Variants in NCKAP5 observed in about 807,000 individuals in gnomAD.
NCKAP5 encodes the protein NCK associated protein 5.
In NCKAP5, 92 loss-of-function variants were observed where a neutral mutation model predicts 167.0. The ratio of observed to expected loss-of-function variants is 0.55; its 90% confidence interval spans 0.47 to 0.66. The LOEUF (loss-of-function observed/expected upper bound fraction) is 0.66, where lower values mean the gene tolerates loss of function less well. Among genes scored for constraint, NCKAP5 ranks in the 30% least tolerant of loss-of-function variants. The pLI is 0.00. For synonymous variants in NCKAP5, 891 were observed against 877.4 expected (o/e 1.02, Z -0.27); for missense variants, 2,378 against 2,315.0 (o/e 1.03, Z -0.56).
chr2:133,653,624 G>A, the NCKAP5 span, among the ~76,000 whole-genome samples: 4 of 152,274 alleles, frequency 2.6e-5, no homozygotes, highest in Non-Finnish European at 5.9e-5. Context: ...TAAATAGAGG[G>A]CAGAAATTTC....
intron 3 of NCKAP5, among the ~76,000 whole-genome samples, chr2:133,377,205 T>A (rs917006927): frequency 5.3e-5 from 8 of 152,166 alleles, no homozygotes; most frequent in Non-Finnish European, 1.5e-5. Context: ...TTATTTTAGG[T>A]TAATATTGCC....
At chr2:132,995,676 AAAC>A (rs1553504030) in intron 6 of NCKAP5, among the ~76,000 whole-genome samples, 2 of 140,270 alleles carry the variant, frequency 1.4e-5, no homozygotes, top group Non-Finnish European at 3.1e-5. Context: ...ACAAACAAAC[AAAC>A]AAAAAACATT....
intron 5 of NCKAP5, among the ~76,000 whole-genome samples, chr2:133,150,054 A>T (rs1315597678): frequency 3.9e-5 from 6 of 152,194 alleles, no homozygotes; most frequent in Non-Finnish European, 8.8e-5. Flanking sequence ...CAGAAACAAC[A>T]GGATTTCTTC....
chr2:133,499,464 C>A (rs1318227685), intron 3 of NCKAP5, among the ~76,000 whole-genome samples: 2 of 152,242 alleles, frequency 1.3e-5, no homozygotes, highest in African/African-American at 4.8e-5. Context: ...GTGGACACAT[C>A]TTCTTGCCAC....
At chr2:133,026,130 G>T (rs1280839284) in intron 6 of NCKAP5, among the ~76,000 whole-genome samples, 2 of 152,000 alleles carry the variant, frequency 1.3e-5, no homozygotes, top group African/African-American at 2.4e-5. Context: ...TTTGTTGGAT[G>T]CCATAAATAT....
At chr2:132,958,577 T>C (rs527680175) in intron 8 of NCKAP5, among the ~76,000 whole-genome samples, 62 of 152,366 alleles carry the variant, frequency 4.1e-4, no homozygotes, top group African/African-American at 1.4e-3. Flanking sequence ...TAACCAGGTC[T>C]GGCCCTTGTC....
At chr2:132,734,571 C>T (rs967201480) in intron 16 of NCKAP5, among the ~76,000 whole-genome samples, 24 of 152,142 alleles carry the variant, frequency 1.6e-4, no homozygotes, top group African/African-American at 5.3e-4. Context: ...CAGGGCAGGA[C>T]GTTAGGGGCG....
the NCKAP5 span, among the ~76,000 whole-genome samples, chr2:133,644,341 CAAG>C: frequency 3.3e-5 from 5 of 152,186 alleles, no homozygotes; most frequent in African/African-American, 1.2e-4. Context: ...ATCAGTTCTT[CAAG>C]TTCTCCAACT....
intron 3 of NCKAP5, among the ~76,000 whole-genome samples, chr2:133,404,849 C>T (rs1056693021): frequency 1.3e-5 from 2 of 152,102 alleles, no homozygotes; most frequent in African/African-American, 4.8e-5. Context: ...TCATTTTTAC[C>T]CCTAGATTAC....
At chr2:132,952,714 G>C (rs575981846) in intron 8 of NCKAP5, among the ~76,000 whole-genome samples, 20 of 152,158 alleles carry the variant, frequency 1.3e-4, no homozygotes, top group Admixed American at 1.2e-3. Context: ...ACAAGAAAAC[G>C]AGCACTGATC....
In NCKAP5 at chr2:132,783,538, T is replaced by C. The variant is rs768657787; in HGVS notation, c.3273A>G (p.Gln1091=). 8.1e-6 allele frequency: 13 copies of C among 1,613,734 alleles called. No individual in the cohort carries two copies. The African/African-American group carries it at 1.5e-4, about 18-fold the overall frequency. ...GGGGTGTGGAGGCGCTATCATTCAA[T>C]TGTCCTTTTCTCCCTGGAGATACAC... The part of the protein sequence containing the change: ...SKSVSPGRKG[Q]LNDSASTPPK... Residue 1091 remains glutamine (Q), a synonymous_variant, in exon 14 of 20, where the codon CAA becomes CAG. Coordinates refer to ENST00000409261, the MANE Select transcript of NCKAP5 (RefSeq NM_207363.3).
At chr2:133,489,064 G>A (rs1197400183) in intron 3 of NCKAP5, among the ~76,000 whole-genome samples, 1 of 152,206 alleles carries the variant, frequency 6.6e-6, no homozygotes, top group Non-Finnish European at 1.5e-5. Flanking sequence ...ACTCCAGCCT[G>A]AGCCACAGAG....
chr2:133,511,296 T>C (rs1327083077), intron 3 of NCKAP5, among the ~76,000 whole-genome samples: 1 of 152,202 alleles, frequency 6.6e-6, no homozygotes, highest in African/African-American at 2.4e-5. Flanking sequence ...AAGTAGCACC[T>C]GTGGGTGGTG....
intron 11 of NCKAP5, among the ~76,000 whole-genome samples, chr2:132,829,705 C>T (rs953507475): frequency 3.3e-5 from 5 of 152,112 alleles, no homozygotes; most frequent in African/African-American, 9.7e-5. Flanking sequence ...TACTGGACAC[C>T]TACACCCAGA....
At chr2:133,052,597 A>G (rs2079643530) in intron 6 of NCKAP5, among the ~76,000 whole-genome samples, 1 of 152,072 alleles carries the variant, frequency 6.6e-6, no homozygotes, top group Admixed American at 6.6e-5. Context: ...GGGCACCTGT[A>G]ATCCCAGATA....
intron 11 of NCKAP5, among the ~76,000 whole-genome samples, chr2:132,816,194 C>G (rs1456547362): frequency 6.6e-6 from 1 of 152,118 alleles, no homozygotes; most frequent in Non-Finnish European, 1.5e-5. Flanking sequence ...TGCTTGAAGA[C>G]TGCTAGCTGT....
At position 132,794,243 on chromosome 2, in the gene NCKAP5, TATATATATATATATATATATAGAGAGAG is replaced by T. The variant is rs1418711285; in HGVS notation, c.909+2357_909+2384del. Among the ~76,000 whole-genome samples, 334 of 57,784 alleles carry T rather than the reference TATATATATATATATATATATAGAGAGAG, an allele frequency of 5.8e-3. 1 individual carries two copies. Among genetic ancestry groups the T allele is most frequent in the African/African-American group, 0.02 (319 of 15,914 alleles). The allele number at this position is 57,784 out of a possible 152,430, so 37.9% of individuals were successfully genotyped here. A position where few individuals can be genotyped will look rare whatever the true frequency, so the allele number is the denominator to read the frequency against. On this transcript the variant is annotated intron_variant, in intron 12 of 19. Transcript: ENST00000409261. Reference sequence around the variant, plus strand: ...TTATACATATATATATATATATATATATATATATATATATATATATAGAGAGAGAGAGAGAGAGAGAGAGAGAGAGAGA... The same window carrying T: ...TTATACATATATATATATATATATATAGAGAGAGAGAGAGAGAGAGAGAGA...
intron 4 of NCKAP5, among the ~76,000 whole-genome samples, chr2:133,279,430 C>A (rs1290857534): frequency 6.6e-6 from 1 of 152,166 alleles, no homozygotes; most frequent in East Asian, 1.9e-4. Flanking sequence ...GCTAAACAAT[C>A]ATTTTGTTTT....
At chr2:133,615,202 A>C in the NCKAP5 span, among the ~76,000 whole-genome samples, 1 of 152,298 alleles carries the variant, frequency 6.6e-6, no homozygotes, top group Non-Finnish European at 1.5e-5. Context: ...ATCATGCCAA[A>C]ATGTAAAGAC....
Sources: gnomAD v4.1 joint callset for allele counts (sites outside exome capture counted in the v4.1 genomes callset) on GRCh38, gnomAD v4.1.1 for gene constraint, MANE v1.5 for transcripts, NCBI Gene and HGNC (gene_info 2026-07-23, HGNC 2026-07-21) for gene names.